Variants in COL4A4 observed in about 807,000 individuals in gnomAD.
The protein encoded by COL4A4 is collagen alpha-4(IV) chain.
COL4A4 carries 105 observed loss-of-function variants against 192.9 expected under a neutral mutation model. The ratio of observed to expected loss-of-function variants is 0.54; its 90% CI spans 0.46 to 0.64. COL4A4 has a LOEUF of 0.64. COL4A4 is among the 30% of genes least tolerant of loss of function. The pLI is 0.00. For missense variants in COL4A4, 1,967 were observed against 2,169.3 expected (o/e 0.91, Z 1.85); for synonymous variants, 762 against 769.9 (o/e 0.99, Z 0.17).
chr2:227,041,736 A>G (rs1209498289), intron 37 of COL4A4, among the ~76,000 whole-genome samples: 7 of 56,460 alleles, frequency 1.2e-4, no homozygotes, highest in East Asian at 7.0e-4. Context: ...GGAAGGAAGG[A>G]AGGAAGGAAG....
At chr2:227,090,818 C>A (rs2059877422) in intron 20 of COL4A4, among the ~76,000 whole-genome samples, 1 of 139,664 alleles carries the variant, frequency 7.2e-6, no homozygotes, top group South Asian at 2.3e-4. Flanking sequence ...ACCCACAGGA[C>A]AAGGAAAAAG....
chr2:227,070,654 G>T, intron 25 of COL4A4, among the ~76,000 whole-genome samples: 1 of 146,120 alleles, frequency 6.8e-6, no homozygotes, highest in African/African-American at 2.5e-5. Context: ...TCACTCATAG[G>T]TGGGAATTGA....
intron 34 of COL4A4, among the ~76,000 whole-genome samples, chr2:227,048,239 T>G (rs548391571): frequency 1.3e-5 from 2 of 152,286 alleles, no homozygotes; most frequent in African/African-American, 4.8e-5. Context: ...TTATAGTAAC[T>G]GCCCATTTAC....
At chr2:227,022,490 A>T (rs200804348) in intron 43 of COL4A4, 39 of 581,498 alleles carry the variant, frequency 6.7e-5, no homozygotes, top group East Asian at 2.2e-4. Context: ...GATGACCCTC[A>T]CAGGATTGCC....
In COL4A4 at chr2:227,108,579, A is replaced by G. The variant is rs2060993180; in HGVS notation, c.735+2T>C. Reference sequence around the variant, plus strand: ...CTCCTCAGAGCAAGAGGGAATTCTTACCGGGTCTCCCATTTGCCCCTTTAC... The same window carrying G: ...CTCCTCAGAGCAAGAGGGAATTCTTGCCGGGTCTCCCATTTGCCCCTTTAC... On this transcript the variant is annotated splice_donor_variant, in intron 12 of 47. Transcript: ENST00000396625. LOFTEE classifies it high-confidence loss of function. The G allele has an allele frequency of 6.2e-7, 1 of 1,613,678 alleles. No homozygotes were observed. Among genetic ancestry groups the G allele is most frequent in the Admixed American group, 1.7e-5 (1 of 60,002 alleles).
At chr2:227,155,937 T>G (rs574770102) in intron 1 of COL4A4, among the ~76,000 whole-genome samples, 2 of 152,196 alleles carry the variant, frequency 1.3e-5, no homozygotes, top group Non-Finnish European at 2.9e-5. Flanking sequence ...GAACACTTCA[T>G]TTCTCAGTGT....
chr2:227,139,637 T>C (rs1480786843), intron 4 of COL4A4, among the ~76,000 whole-genome samples: 2 of 152,334 alleles, frequency 1.3e-5, no homozygotes, highest in East Asian at 3.9e-4. Flanking sequence ...AGAAGGTTCT[T>C]ACGAGAAGTC....
At chr2:227,051,229 T>G in intron 32 of COL4A4, 71 bp from the exon 33 acceptor site, 1 of 1,499,390 alleles carries the variant, frequency 6.7e-7, no homozygotes, top group Non-Finnish European at 9.3e-7. Flanking sequence ...CTGAGGGACC[T>G]GGTCCTACTT....
At chr2:227,043,298 G>T in intron 35 of COL4A4, 114 bp from the exon 36 acceptor site, 1 of 867,254 alleles carries the variant, frequency 1.2e-6, no homozygotes, top group Non-Finnish European at 1.9e-6. Flanking sequence ...GTTTTAAATA[G>T]TTTCTATTGG....
intron 37 of COL4A4, among the ~76,000 whole-genome samples, chr2:227,034,954 C>T (rs149285116): frequency 4.6e-5 from 7 of 151,962 alleles, no homozygotes; most frequent in Non-Finnish European, 1.0e-4. Flanking sequence ...CGGTGCACAG[C>T]CAGCCTGTTT....
At chr2:227,153,714 G>T (rs904031953) in intron 1 of COL4A4, among the ~76,000 whole-genome samples, 1 of 152,160 alleles carries the variant, frequency 6.6e-6, no homozygotes, top group African/African-American at 2.4e-5. Context: ...CGTAGAATTG[G>T]ACATTAGATG....
intron 8 of COL4A4, among the ~76,000 whole-genome samples, chr2:227,113,141 T>C (rs549959084): frequency 6.6e-6 from 1 of 152,332 alleles, no homozygotes; most frequent in Non-Finnish European, 1.5e-5. Context: ...TACCATATTA[T>C]TTTCCACAGG....
downstream of COL4A4, among the ~76,000 whole-genome samples, chr2:227,002,445 A>C (rs527479811): frequency 6.4e-4 from 98 of 152,344 alleles, no homozygotes; most frequent in African/African-American, 2.2e-3. Flanking sequence ...TGTAAGCCCC[A>C]TGCCCACTGA....
chr2:226,970,982 A>G, the COL4A4 span, among the ~76,000 whole-genome samples: 1 of 152,242 alleles, frequency 6.6e-6, no homozygotes, highest in Admixed American at 6.5e-5. Context: ...CCCGTGTATA[A>G]TATATATCAT....
At chr2:227,068,552 G>A (rs1012644196) in intron 25 of COL4A4, among the ~76,000 whole-genome samples, 3 of 152,244 alleles carry the variant, frequency 2.0e-5, no homozygotes, top group Admixed American at 2.0e-4. Flanking sequence ...GGGATGCAAG[G>A]CTGGTTCAAT....
the COL4A4 span, chr2:226,988,552 G>A: frequency 7.8e-6 from 11 of 1,418,956 alleles, no homozygotes; most frequent in Non-Finnish European, 1.0e-5. Flanking sequence ...GGCCCTCTCT[G>A]CGGACTGGTG....
chr2:227,148,201 A>G (rs988858211), intron 1 of COL4A4, among the ~76,000 whole-genome samples: 3 of 152,250 alleles, frequency 2.0e-5, no homozygotes, highest in African/African-American at 4.8e-5. Context: ...AAACTTGCAC[A>G]TGAATATTCA....
chr2:227,062,394 C>T, intron 26 of COL4A4, 136 bp downstream of exon 26: 1 of 691,234 alleles, frequency 1.4e-6, no homozygotes, highest in Non-Finnish European at 2.6e-6. Flanking sequence ...ATGCTGTTTT[C>T]CCCTATCCAT....
At chr2:227,102,928 A>G (rs528834583) in intron 14 of COL4A4, 80 bp from the exon 15 acceptor site, 50 of 1,161,072 alleles carry the variant, frequency 4.3e-5, no homozygotes, top group African/African-American at 6.1e-5. Context: ...AGCAATAGGG[A>G]AAAAAAACAA....
Sources: allele counts gnomAD v4.1 joint callset (sites outside exome capture counted in the v4.1 genomes callset), GRCh38; gene constraint gnomAD v4.1.1; transcripts MANE v1.5; gene names NCBI Gene and HGNC (gene_info 2026-07-23, HGNC 2026-07-21).